GTF3C1: variants seen among roughly 807,000 people sequenced by gnomAD.
The protein encoded by GTF3C1 is general transcription factor IIIC subunit 1, also known as general transcription factor 3C polypeptide 1.
Under a neutral mutation model 226.7 loss-of-function variants are expected in GTF3C1, and 57 were observed. The observed-to-expected ratio is 0.25, with a 90% confidence interval of 0.20 to 0.31. The LOEUF (loss-of-function observed/expected upper bound fraction) is 0.31, where lower values mean the gene tolerates loss of function less well. Among genes scored for constraint, GTF3C1 ranks in the 10% least tolerant of loss-of-function variants. The pLI is 1.00. For synonymous variants in GTF3C1, 1,090 were observed against 1,084.8 expected (o/e 1.00, Z -0.09); for missense variants, 2,217 against 2,776.1 (o/e 0.80, Z 4.53).
Position 27,464,555 on chromosome 16 carries a change from C to A in GTF3C1, c.5637G>T (p.Gln1879His). The A allele has an allele frequency of 6.7e-7, 1 of 1,497,068 alleles. No individual in the cohort carries two copies. Among genetic ancestry groups the A allele is most frequent in the East Asian group, 2.4e-5 (1 of 40,906 alleles). The allele number at this position is 1,497,068 out of a possible 1,614,324, so 92.7% of individuals were successfully genotyped here. ...GCGCTGGCCTCTTGGCAGGGGTCAT[C>A]TGGGTGCCCTCGGCGTCGGTCTCCC... is the stretch of plus-strand genomic sequence containing the variant. ...ENGETDAEGT[Q>H]MTPAKRPALQ... Residue 1879 changes from glutamine to histidine, a missense_variant, in exon 34 of 37, where the codon CAG becomes CAT. Gln to His is a conservative substitution (Grantham distance 24). Around this residue, in one of 12 missense-constraint regions of GTF3C1, gnomAD observed 455 missense variants for 441.9 expected, o/e 1.03. Transcript: ENST00000356183.
chr16:27,477,402 G>A (rs1361196587), intron 28 of GTF3C1, among the ~76,000 whole-genome samples: 1 of 152,004 alleles, frequency 6.6e-6, no homozygotes, highest in South Asian at 2.1e-4. Context: ...CGTTTCCCAG[G>A]ATCAAGCGAT....
chr16:27,488,098 C>A (rs537783916), intron 23 of GTF3C1, 129 bp downstream of exon 23: 2 of 742,918 alleles, frequency 2.7e-6, no homozygotes, highest in East Asian at 2.5e-5. Context: ...GAGTCAGCGC[C>A]ACACATCGAG....
chr16:27,513,071 ATT>A (rs923902050), intron 6 of GTF3C1, among the ~76,000 whole-genome samples: 1 of 152,178 alleles, frequency 6.6e-6, no homozygotes, highest in African/African-American at 2.4e-5. Flanking sequence ...GGCATTGTGG[ATT>A]TTTGAGGGTC....
intron 6 of GTF3C1, among the ~76,000 whole-genome samples, chr16:27,514,206 T>C (rs553921089): frequency 3.9e-5 from 6 of 152,290 alleles, no homozygotes; most frequent in South Asian, 4.1e-4. Flanking sequence ...TTAGAGGCAA[T>C]CTAAGGCCCC....
At chr16:27,521,419 T>C (rs1231118169) in intron 6 of GTF3C1, among the ~76,000 whole-genome samples, 1 of 152,234 alleles carries the variant, frequency 6.6e-6, no homozygotes, top group African/African-American at 2.4e-5. Context: ...ACGCTCCTCC[T>C]ACCTGTCCCC....
In GTF3C1 at chr16:27,497,940, C is replaced by A. The variant is rs2088345194; in HGVS notation, c.2166-119G>T. On this transcript the variant is annotated intron_variant, in intron 13 of 36. Transcript: ENST00000356183. The stretch of plus-strand genomic sequence containing the variant: ...TGGCCTGGGGGTTTCAAATTCTGCT[C>A]CTTGTAGGGGCCAGGGAGATGATGC... The A allele has an allele frequency of 6.5e-6, 5 of 767,770 alleles. No homozygotes were observed. In the African/African-American group the frequency reaches 8.7e-5, roughly 13 times the overall value. 47.6% of individuals were successfully genotyped at this position (767,770 alleles called of 1,614,324 possible).
In GTF3C1 at chr16:27,547,556, C is replaced by T. The variant is rs1005941575; in HGVS notation, c.222-2033G>A. On this transcript the variant is annotated intron_variant, in intron 1 of 36. Transcript: ENST00000356183. ...CTGCCTGTGCTCTTCATCCCCACGC[C>T]CACCATGGTAAGCCAGACCATGACT... 1.5e-4 allele frequency among the ~76,000 whole-genome samples: 23 copies of T among 152,274 alleles called. 3 individuals are homozygous for T. Among genetic ancestry groups the T allele is most frequent in the Admixed American group, 1.2e-3 (18 of 15,282 alleles).
At chr16:27,533,471 C>A in intron 4 of GTF3C1, 84 bp from the exon 5 acceptor site, 2 of 742,348 alleles carry the variant, frequency 2.7e-6, no homozygotes, top group Admixed American at 1.9e-5. Flanking sequence ...GATGACAAAG[C>A]AAGACTTGAC....
At chr16:27,533,445 C>T in intron 4 of GTF3C1, 58 bp from the exon 5 acceptor site, 1 of 846,400 alleles carries the variant, frequency 1.2e-6, no homozygotes, top group Non-Finnish European at 2.1e-6. Flanking sequence ...TCAATATTTA[C>T]TGCCTGTTTC....
At chr16:27,510,220 C>T (rs1418532107) in intron 7 of GTF3C1, among the ~76,000 whole-genome samples, 1 of 152,098 alleles carries the variant, frequency 6.6e-6, no homozygotes, top group Admixed American at 6.5e-5. Flanking sequence ...CCCGTCTCTA[C>T]TAAAAATACA....
rs1040132327 is a variant in GTF3C1 at position 27,504,343 on chromosome 16, G to C, written c.1771-1348C>G. ...GGAAGGCAGGCGGGACTCCAGGGGA[G>C]CTGCTGGGCTCCACTGCTGGAAGGC... On this transcript the variant is annotated intron_variant, in intron 10 of 36. Transcript: ENST00000356183. 3.3e-5 allele frequency among the ~76,000 whole-genome samples: 5 copies of C among 152,356 alleles called. No individual in the cohort carries two copies. The East Asian group carries it at 9.7e-4, about 29-fold the overall frequency.
chr16:27,496,893 G>A (rs2088327499), intron 14 of GTF3C1, among the ~76,000 whole-genome samples: 1 of 152,200 alleles, frequency 6.6e-6, no homozygotes, highest in Non-Finnish European at 1.5e-5. Context: ...ATGCTGTCTA[G>A]TTGCATGCAC....
intron 11 of GTF3C1, 63 bp downstream of exon 11, chr16:27,502,796 C>A (rs993011717): frequency 3.9e-6 from 6 of 1,527,892 alleles, no homozygotes; most frequent in Non-Finnish European, 5.3e-6. Context: ...CTTGTGATGA[C>A]CAACTGGTAG....
Position 27,472,925 on chromosome 16 carries a change from CTTT to C in GTF3C1, c.4354-1008_4354-1006del, listed in dbSNP as rs906306611. 7.5e-4 allele frequency among the ~76,000 whole-genome samples: 114 copies of C among 151,626 alleles called. 1 individual carries two copies. Among genetic ancestry groups the C allele is most frequent in the African/African-American group, 2.4e-3 (100 of 41,362 alleles). On this transcript the variant is annotated intron_variant, in intron 29 of 36. Transcript: ENST00000356183. ...TCCCAGGAGAACACAGATTCAACTC[CTTT>C]TTTTTTGAGCCAGGGTCTCACTCTG...
chr16:27,491,189 G>T (rs968482781), intron 19 of GTF3C1, among the ~76,000 whole-genome samples: 1 of 152,196 alleles, frequency 6.6e-6, no homozygotes, highest in Non-Finnish European at 1.5e-5. Flanking sequence ...AGCAAAATGT[G>T]TGACTCCCAC....
In GTF3C1 at chr16:27,506,853, T is replaced by C. The variant is rs748265658; in HGVS notation, c.1546A>G (p.Thr516Ala). 10 of 1,603,866 alleles carry C rather than the reference T, an allele frequency of 6.2e-6. No homozygotes were observed. Among genetic ancestry groups the C allele is most frequent in the African/African-American group, 2.7e-5 (2 of 74,730 alleles). Reference protein sequence around the residue: ...PKTQPHHSTPTKGGWKVVNLH... With the variant: ...PKTQPHHSTPAKGGWKVVNLH... Reference sequence around the variant, plus strand: ...CACCCCACGTGCTCCCTACCCTTGGTTGGGGTGGAGTGATGAGGCTGGGTC... The same window carrying C: ...CACCCCACGTGCTCCCTACCCTTGGCTGGGGTGGAGTGATGAGGCTGGGTC... The change falls in exon 9 of 37, where the codon ACC (threonine) becomes GCC (alanine). Residue 516 changes from threonine to alanine, a missense_variant. Thr to Ala is a moderately conservative substitution (Grantham distance 58). Transcript: ENST00000356183.
At chr16:27,520,787 T>A (rs1205150328) in intron 6 of GTF3C1, among the ~76,000 whole-genome samples, 1 of 152,094 alleles carries the variant, frequency 6.6e-6, no homozygotes, top group Non-Finnish European at 1.5e-5. Context: ...AGGTGTGATC[T>A]CAGCTCACTG....
chr16:27,549,822 C>A lies in GTF3C1; in HGVS notation c.69G>T (p.Ala23=). 1.2e-6 allele frequency: 2 copies of A among 1,612,982 alleles called. No homozygotes were observed. Among genetic ancestry groups the A allele is most frequent in the Non-Finnish European group, 1.7e-6 (2 of 1,179,796 alleles). Residue 23 remains alanine, a synonymous_variant, in exon 1 of 37, where the codon GCG becomes GCT. Coordinates refer to ENST00000356183, the MANE Select transcript of GTF3C1 (RefSeq NM_001520.4). ...CTCGCGTCTCCAGCCGGCTCCACAGCGCTGGCAGACACAGGCCATCGAGCC... is the reference window on the plus strand; with the variant it reads ...CTCGCGTCTCCAGCCGGCTCCACAGAGCTGGCAGACACAGGCCATCGAGCC... ...LEGLDGLCLP[A]LWSRLETRVP... is the part of the protein sequence containing the mutation.
chr16:27,541,890 T>C (rs1233627863), intron 2 of GTF3C1, among the ~76,000 whole-genome samples: 2 of 152,110 alleles, frequency 1.3e-5, no homozygotes, highest in Non-Finnish European at 2.9e-5. Context: ...TGGAACCGGG[T>C]GGTACATGGC....
Sources: gnomAD v4.1 joint callset for allele counts (sites outside exome capture counted in the v4.1 genomes callset) on GRCh38, gnomAD v4.1.1 for gene constraint, gnomAD v4.1.1 regional missense constraint, MANE v1.5 for transcripts, NCBI Gene and HGNC (gene_info 2026-07-23, HGNC 2026-07-21) for gene names.